The following BIN3 variants were observed in gnomAD, a reference collection of about 807,000 sequenced individuals.
BIN3 encodes the protein bridging integrator 3.
Under a neutral mutation model 38.2 loss-of-function variants are expected in BIN3, and 41 were observed. The ratio of observed to expected loss-of-function variants is 1.07; its 90% CI spans 0.84 to 1.39. The LOEUF (loss-of-function observed/expected upper bound fraction) is 1.39. BIN3 is among the 40% of genes most tolerant of loss of function. BIN3 has a pLI of 0.00. For synonymous variants in BIN3, 145 were observed against 122.6 expected (o/e 1.18, Z -1.21); for missense variants, 361 against 324.3 (o/e 1.11, Z -0.87).
chr8:22,640,216 C>T (rs544779618), intron 2 of BIN3, among the ~76,000 whole-genome samples: 13 of 151,816 alleles, frequency 8.6e-5, no homozygotes, highest in South Asian at 6.2e-4. Context: ...CTCACTCTGT[C>T]GCTCAGACTG....
At chr8:22,668,715 T>C (rs1803509538) in intron 1 of BIN3, among the ~76,000 whole-genome samples, 1 of 152,162 alleles carries the variant, frequency 6.6e-6, no homozygotes, top group African/African-American at 2.4e-5. Context: ...AAGACGACAC[T>C]GACTCCACCT....
chr8:22,625,320 C>T (rs1318730470), intron 6 of BIN3: 2 of 702,380 alleles, frequency 2.8e-6, no homozygotes, highest in South Asian at 3.0e-5. Context: ...AAGCCAGAGC[C>T]CTGCAGTGTC....
chr8:22,646,274 G>A (rs986846111), intron 1 of BIN3, among the ~76,000 whole-genome samples: 2 of 152,166 alleles, frequency 1.3e-5, no homozygotes, highest in African/African-American at 2.4e-5. Context: ...GAATCCCTGC[G>A]ATCAGCTCCG....
intron 6 of BIN3, 184 bp downstream of exon 6, chr8:22,629,780 C>T (rs546428377): frequency 1.3e-4 from 86 of 642,652 alleles, no homozygotes; most frequent in Admixed American, 5.5e-4. Flanking sequence ...TGTGGGTACT[C>T]TGGAGCCCCC....
At chr8:22,657,117 G>A (rs949775311) in intron 1 of BIN3, among the ~76,000 whole-genome samples, 1 of 152,194 alleles carries the variant, frequency 6.6e-6, no homozygotes, top group African/African-American at 2.4e-5. Flanking sequence ...CAGGATGAAC[G>A]AGGCAGATTC....
At chr8:22,633,649 T>A (rs1252901946) in intron 4 of BIN3, among the ~76,000 whole-genome samples, 1 of 152,210 alleles carries the variant, frequency 6.6e-6, no homozygotes, top group Admixed American at 6.5e-5. Context: ...AGGAAAAGCA[T>A]CCCTCCATTC....
chr8:22,660,839 A>G (rs1803212064), intron 1 of BIN3, among the ~76,000 whole-genome samples: 1 of 152,224 alleles, frequency 6.6e-6, no homozygotes, highest in African/African-American at 2.4e-5. Context: ...GATGCTGTTC[A>G]GGCTCCCTGA....
intron 2 of BIN3, 44 bp from the exon 3 acceptor site, chr8:22,637,006 C>T (rs187737288): frequency 1.6e-5 from 26 of 1,593,632 alleles, no homozygotes; most frequent in East Asian, 6.7e-5. Context: ...AATGACAACA[C>T]GGTGGAAAAA....
chr8:22,621,408 A>G lies in BIN3; in HGVS notation c.*14T>C, dbSNP rs201665640. On this transcript the variant is annotated 3_prime_UTR_variant, in exon 9 of 9. Coordinates refer to ENST00000276416, the MANE Select transcript of BIN3 (RefSeq NM_018688.6). Reference sequence around the variant, plus strand: ...CTGACCACGTCACAGGAGTCCTCCAAGAGTGACGGGGATTCAGTCATCGGC... The same window carrying G: ...CTGACCACGTCACAGGAGTCCTCCAGGAGTGACGGGGATTCAGTCATCGGC... 7.5e-6 allele frequency: 12 copies of G among 1,610,376 alleles called. No individual in the cohort carries two copies. In the East Asian group the frequency reaches 2.5e-4, roughly 33 times the overall value.
chr8:22,624,057 A>C lies in BIN3; in HGVS notation c.481-8T>G. 1 of 1,611,462 alleles carries C rather than the reference A, an allele frequency of 6.2e-7. No homozygotes were observed. Among genetic ancestry groups the C allele is most frequent in the Non-Finnish European group, 8.5e-7 (1 of 1,178,644 alleles). ...CCGCAGCTCCTCTCGTGCCTAGGGA[A>C]CAAGACCTGGGTGTCAAAACTCTCT... On this transcript the variant is annotated splice_polypyrimidine_tract_variant and splice_region_variant and intron_variant, in intron 7 of 8. Coordinates refer to ENST00000276416, the MANE Select transcript of BIN3 (RefSeq NM_018688.6).
At chr8:22,660,307 G>T (rs1159947622) in intron 1 of BIN3, among the ~76,000 whole-genome samples, 1 of 152,264 alleles carries the variant, frequency 6.6e-6, no homozygotes, top group Non-Finnish European at 1.5e-5. Context: ...GCATTTGGAG[G>T]TGAAAGGCTT....
chr8:22,634,119 G>A (rs1489998276), intron 4 of BIN3, among the ~76,000 whole-genome samples: 3 of 152,238 alleles, frequency 2.0e-5, no homozygotes, highest in Non-Finnish European at 4.4e-5. Flanking sequence ...TGCAGAAGCA[G>A]GAAGGAAAGG....
chr8:22,624,998 A>G (rs138028871), intron 6 of BIN3: 167 of 333,408 alleles, frequency 5.0e-4, no homozygotes, highest in Middle Eastern at 2.5e-3. Context: ...TTCTCCTTCA[A>G]GGGCTCCTTG....
intron 1 of BIN3, among the ~76,000 whole-genome samples, chr8:22,667,317 T>G (rs1442846826): frequency 2.0e-5 from 3 of 152,208 alleles, no homozygotes; most frequent in South Asian, 4.1e-4. Context: ...GAAGGGAAAC[T>G]TTCTGTGAGA....
chr8:22,656,223 G>T (rs1199963288), intron 1 of BIN3, among the ~76,000 whole-genome samples: 13 of 137,172 alleles, frequency 9.5e-5, no homozygotes, highest in South Asian at 2.3e-4. Flanking sequence ...GGTCTTAAGG[G>T]TTTTTTTTTT....
chr8:22,627,817 C>A (rs1802052604), intron 6 of BIN3, among the ~76,000 whole-genome samples: 1 of 152,254 alleles, frequency 6.6e-6, no homozygotes. Context: ...CCGAGCATGC[C>A]CCGCTCCATG....
At chr8:22,660,897 T>C (rs1218811842) in intron 1 of BIN3, among the ~76,000 whole-genome samples, 1 of 152,110 alleles carries the variant, frequency 6.6e-6, no homozygotes, top group East Asian at 1.9e-4. Context: ...TTTAACTTAG[T>C]TTTTTTGAGA....
At chr8:22,634,234 C>T (rs1327056977) in intron 4 of BIN3, among the ~76,000 whole-genome samples, 1 of 152,242 alleles carries the variant, frequency 6.6e-6, no homozygotes, top group Non-Finnish European at 1.5e-5. Flanking sequence ...AAACAAACAA[C>T]TGCAGACAAA....
chr8:22,649,624 G>GA (rs1284135023), intron 1 of BIN3, among the ~76,000 whole-genome samples: 3 of 151,906 alleles, frequency 2.0e-5, no homozygotes, highest in Admixed American at 2.0e-4. Context: ...GTTGGTAGTG[G>GA]CTAATTCTGG....
Sources: allele counts gnomAD v4.1 joint callset (sites outside exome capture counted in the v4.1 genomes callset), GRCh38; gene constraint gnomAD v4.1.1; transcripts MANE v1.5; gene names NCBI Gene and HGNC (gene_info 2026-07-23, HGNC 2026-07-21).